The following PHACTR3 variants were observed in gnomAD, a reference collection of about 807,000 sequenced individuals.
PHACTR3 encodes the protein phosphatase and actin regulator 3, also known as protein phosphatase 1, regulatory subunit 123.
PHACTR3 carries 16 observed loss-of-function variants against 66.8 expected under a neutral mutation model. The ratio of observed to expected loss-of-function variants is 0.24; its 90% CI spans 0.16 to 0.36. The LOEUF is 0.36. Among genes scored for constraint, PHACTR3 ranks in the 10% least tolerant of loss-of-function variants. The pLI is 1.00. For synonymous variants in PHACTR3, 323 were observed against 292.1 expected, an observed-to-expected ratio of 1.11 and a Z score of -1.08; for missense variants, 647 against 719.9, an observed-to-expected ratio of 0.90 and a Z score of 1.16.
intron 1 of PHACTR3, among the ~76,000 whole-genome samples, chr20:59,639,065 ATG>A (rs1240853253): frequency 1.9e-5 from 2 of 104,866 alleles, no homozygotes; most frequent in Non-Finnish European, 3.8e-5. Flanking sequence ...GGATAGATGG[ATG>A]GATGGATGGA....
At chr20:59,672,147 C>T (rs1038779825) in intron 1 of PHACTR3, among the ~76,000 whole-genome samples, 1 of 152,240 alleles carries the variant, frequency 6.6e-6, no homozygotes, top group Non-Finnish European at 1.5e-5. Flanking sequence ...GTGCCACTGG[C>T]ATCTCATGGG....
chr20:59,678,812 G>A (rs1213106930), intron 1 of PHACTR3, among the ~76,000 whole-genome samples: 1 of 152,136 alleles, frequency 6.6e-6, no homozygotes, highest in Non-Finnish European at 1.5e-5. Context: ...GCACCTGGAG[G>A]GTAGGCACTC....
At chr20:59,672,900 G>A (rs2036242413) in intron 1 of PHACTR3, among the ~76,000 whole-genome samples, 1 of 152,162 alleles carries the variant, frequency 6.6e-6, no homozygotes, top group Admixed American at 6.5e-5. Flanking sequence ...GGGCTTCCAG[G>A]CAAGAGAGGT....
chr20:59,722,987 G>C (rs1212832402), intron 1 of PHACTR3, among the ~76,000 whole-genome samples: 4 of 151,660 alleles, frequency 2.6e-5, no homozygotes, highest in Non-Finnish European at 5.9e-5. Flanking sequence ...AGAGGATGTG[G>C]GCAGGCCCTG....
upstream of PHACTR3, among the ~76,000 whole-genome samples, chr20:59,603,154 C>G (rs1182968116): frequency 6.6e-6 from 1 of 152,192 alleles, no homozygotes; most frequent in Non-Finnish European, 1.5e-5. Flanking sequence ...CTCTTTGTTT[C>G]CTGATCTTAA....
intron 1 of PHACTR3, among the ~76,000 whole-genome samples, chr20:59,582,110 C>T (rs2146299734): frequency 6.6e-6 from 1 of 152,252 alleles, no homozygotes; most frequent in East Asian, 1.9e-4. Context: ...GAACATGAAT[C>T]CTCCCCCCGC....
At chr20:59,846,562 T>G (rs888305578) in intron 12 of PHACTR3, among the ~76,000 whole-genome samples, 10 of 152,166 alleles carry the variant, frequency 6.6e-5, no homozygotes, top group African/African-American at 2.4e-4. Flanking sequence ...ATCTCAATTT[T>G]GTACATTTTC....
chr20:59,804,602 C>T (rs1187416558), intron 7 of PHACTR3, among the ~76,000 whole-genome samples: 1 of 152,184 alleles, frequency 6.6e-6, no homozygotes, highest in Non-Finnish European at 1.5e-5. Context: ...TGAAAAATGC[C>T]TGCAACTCCT....
intron 1 of PHACTR3, among the ~76,000 whole-genome samples, chr20:59,653,247 C>T (rs539304727): frequency 3.5e-4 from 53 of 151,110 alleles, no homozygotes; most frequent in African/African-American, 1.3e-3. Context: ...TGCAGTGGCA[C>T]CATCTCTGCT....
chr20:59,728,565 T>TTTG lies in PHACTR3; in HGVS notation c.119-14539_119-14537dup, dbSNP rs201541099. 4.3e-3 allele frequency among the ~76,000 whole-genome samples: 655 copies of TTTG among 150,726 alleles called. 2 individuals carry two copies. The highest frequency in any genetic ancestry group is 0.015 in the African/African-American group (614 of 41,232). On this transcript the variant is annotated intron_variant, in intron 1 of 12. Coordinates refer to ENST00000371015, the MANE Select transcript of PHACTR3 (RefSeq NM_080672.5). Reference sequence around the variant, plus strand: ...ATTTCCATACAATGGACTATTACCTTTTGTTATTATTATTATTATTATAGC... The same window carrying TTTG: ...ATTTCCATACAATGGACTATTACCTTTTGTTGTTATTATTATTATTATTATAGC...
chr20:59,743,337 C>A, intron 2 of PHACTR3, 69 bp downstream of exon 2: 1 of 1,567,184 alleles, frequency 6.4e-7, no homozygotes, highest in Non-Finnish European at 8.7e-7. Context: ...GTGCTGCGGC[C>A]CCTGCTGATC....
At chr20:59,665,859 A>T (rs1216776775) in intron 1 of PHACTR3, among the ~76,000 whole-genome samples, 1 of 152,200 alleles carries the variant, frequency 6.6e-6, no homozygotes, top group African/African-American at 2.4e-5. Context: ...TATGGTTATC[A>T]GAAGTGGGGT....
intron 1 of PHACTR3, among the ~76,000 whole-genome samples, chr20:59,613,161 A>G (rs1005457181): frequency 6.6e-6 from 1 of 152,226 alleles, no homozygotes; most frequent in Non-Finnish European, 1.5e-5. Context: ...ATTTTTAAAT[A>G]TTGACAAGTT....
At chr20:59,846,949 G>A (rs1014330601) in intron 12 of PHACTR3, among the ~76,000 whole-genome samples, 166 bp from the exon 13 acceptor site, 1 of 152,110 alleles carries the variant, frequency 6.6e-6, no homozygotes, top group African/African-American at 2.4e-5. Flanking sequence ...GGAGCCCTCT[G>A]AGACTCTACC....
intron 1 of PHACTR3, among the ~76,000 whole-genome samples, chr20:59,740,172 TGCACTG>T (rs2039100249): frequency 6.6e-6 from 1 of 152,318 alleles, no homozygotes; most frequent in South Asian, 2.1e-4. Context: ...AAAAGTTACC[TGCACTG>T]GCATGGTATG....
At chr20:59,700,394 C>A (rs950034375) in intron 1 of PHACTR3, among the ~76,000 whole-genome samples, 2 of 152,156 alleles carry the variant, frequency 1.3e-5, no homozygotes, top group Admixed American at 6.5e-5. Flanking sequence ...AACATATGTT[C>A]TGATGACTGC....
intron 1 of PHACTR3, among the ~76,000 whole-genome samples, chr20:59,703,121 A>T (rs144661517): frequency 2.0e-5 from 3 of 152,314 alleles, no homozygotes; most frequent in African/African-American, 7.2e-5. Flanking sequence ...CATCATAAAT[A>T]TGTTAGTTTT....
chr20:59,600,655 C>T (rs888288097), upstream of PHACTR3, among the ~76,000 whole-genome samples: 86 of 152,278 alleles, frequency 5.6e-4, 1 homozygote, highest in African/African-American at 1.9e-3. Flanking sequence ...TTTGCCTTTG[C>T]GGTTTTGTGA....
chr20:59,749,199 A>G (rs147566389), intron 3 of PHACTR3, among the ~76,000 whole-genome samples: 1 of 152,326 alleles, frequency 6.6e-6, no homozygotes, highest in East Asian at 1.9e-4. Context: ...AAAAGTGTCA[A>G]ACTCCGGCAT....
Sources: gnomAD v4.1 joint callset for allele counts (sites outside exome capture counted in the v4.1 genomes callset) on GRCh38, gnomAD v4.1.1 for gene constraint, MANE v1.5 for transcripts, NCBI Gene and HGNC (gene_info 2026-07-23, HGNC 2026-07-21) for gene names.